The following NTRK2 variants were observed in gnomAD, a reference collection of about 807,000 sequenced individuals.
NTRK2 encodes neurotrophic receptor tyrosine kinase 2.
In NTRK2, 13 loss-of-function variants were observed where a neutral mutation model predicts 94.5. That is an observed-to-expected ratio of 0.14 (90% CI 0.09 to 0.22). The LOEUF (loss-of-function observed/expected upper bound fraction) is 0.22, where lower values mean the gene tolerates loss of function less well. Among genes scored for constraint, NTRK2 ranks in the 10% least tolerant of loss-of-function variants. The pLI is 1.00. For missense variants in NTRK2, 639 were observed against 1,071.2 expected (o/e 0.60, Z 5.63); for synonymous variants, 372 against 407.4 (o/e 0.91, Z 1.05).
chr9:84,814,155 A>G, intron 12 of NTRK2: 3 of 1,065,644 alleles, frequency 2.8e-6, no homozygotes, highest in Non-Finnish European at 3.4e-6. Context: ...TAGCAAGGAC[A>G]AGAACTAAAC....
chr9:84,840,865 T>C (rs190378011), intron 12 of NTRK2, among the ~76,000 whole-genome samples: 37 of 152,260 alleles, frequency 2.4e-4, no homozygotes, highest in Admixed American at 1.2e-3. Context: ...CTAAGTCCCA[T>C]AGCCCCTCCC....
chr9:84,744,893 G>T (rs2132374310), intron 10 of NTRK2, 80 bp from the exon 11 acceptor site: 3 of 955,046 alleles, frequency 3.1e-6, no homozygotes, highest in South Asian at 1.3e-5. Context: ...CTTCATTCTG[G>T]CTCTTACTGT....
intron 16 of NTRK2, among the ~76,000 whole-genome samples, chr9:84,949,089 A>G (rs2078691549): frequency 1.3e-5 from 2 of 152,184 alleles, no homozygotes; most frequent in Admixed American, 1.3e-4. Flanking sequence ...GAAGCAGAAA[A>G]ACAGCTGGAG....
At chr9:84,677,053 A>G (rs975217551) in intron 2 of NTRK2, among the ~76,000 whole-genome samples, 2 of 152,100 alleles carry the variant, frequency 1.3e-5, no homozygotes, top group Non-Finnish European at 2.9e-5. Flanking sequence ...AAAAGCCTTC[A>G]TGAGTTGGCA....
chr9:84,721,170 CATA>C (rs2062035678), intron 6 of NTRK2, among the ~76,000 whole-genome samples: 1 of 139,060 alleles, frequency 7.2e-6, no homozygotes, highest in Non-Finnish European at 1.6e-5. Flanking sequence ...TCATAATACT[CATA>C]ATAATCTTTT....
intron 16 of NTRK2, 53 bp downstream of exon 16, chr9:84,948,687 A>G (rs2078678932): frequency 2.6e-6 from 4 of 1,564,402 alleles, no homozygotes; most frequent in African/African-American, 1.3e-5. Context: ...TTCAGGGTTC[A>G]GGAGTGGAGG....
At chr9:84,674,182 A>C (rs944180657) in intron 2 of NTRK2, among the ~76,000 whole-genome samples, 3 of 152,066 alleles carry the variant, frequency 2.0e-5, no homozygotes, top group Non-Finnish European at 4.4e-5. Flanking sequence ...CTGTGTATCC[A>C]TGTTGCTGTG....
At chr9:84,984,499 A>C (rs1427414679) in intron 17 of NTRK2, among the ~76,000 whole-genome samples, 16 of 69,782 alleles carry the variant, frequency 2.3e-4, no homozygotes, top group African/African-American at 7.2e-4. Flanking sequence ...AACAAACAAA[A>C]AACAAAAAAA....
intron 12 of NTRK2, among the ~76,000 whole-genome samples, chr9:84,821,085 GCC>G (rs1293779281): frequency 6.6e-6 from 1 of 151,946 alleles, no homozygotes; most frequent in Non-Finnish European, 1.5e-5. Flanking sequence ...AAGTATCCCT[GCC>G]CTTGTAACCT....
chr9:84,697,778 T>C (rs767449429), intron 2 of NTRK2, among the ~76,000 whole-genome samples: 3 of 152,166 alleles, frequency 2.0e-5, no homozygotes, highest in Non-Finnish European at 4.4e-5. Flanking sequence ...AAGAAAGCTG[T>C]TAGCTGTTTG....
intron 2 of NTRK2, among the ~76,000 whole-genome samples, chr9:84,673,868 A>C (rs2058857840): frequency 6.6e-6 from 1 of 152,242 alleles, no homozygotes; most frequent in African/African-American, 2.4e-5. Context: ...CCTGCTCAAC[A>C]TCACACTGCT....
intron 12 of NTRK2, among the ~76,000 whole-genome samples, chr9:84,753,282 A>C (rs1271551729): frequency 6.6e-6 from 1 of 151,954 alleles, no homozygotes; most frequent in Non-Finnish European, 1.5e-5. Flanking sequence ...GAGAGGGACC[A>C]CCCCACAGTG....
chr9:84,864,991 G>A (rs1278829278), intron 13 of NTRK2, among the ~76,000 whole-genome samples: 9 of 151,840 alleles, frequency 5.9e-5, no homozygotes, highest in African/African-American at 1.9e-4. Context: ...TGCCTGCCTC[G>A]GCCTCCCAAA....
intron 12 of NTRK2, among the ~76,000 whole-genome samples, chr9:84,759,135 CAAAAT>C (rs1196887681): frequency 6.6e-6 from 1 of 152,142 alleles, no homozygotes; most frequent in Non-Finnish European, 1.5e-5. Flanking sequence ...AGTAAGGTAA[CAAAAT>C]GAAAATGAAT....
intron 17 of NTRK2, among the ~76,000 whole-genome samples, chr9:84,956,568 G>A (rs1294172200): frequency 6.6e-6 from 1 of 152,186 alleles, no homozygotes; most frequent in Non-Finnish European, 1.5e-5. Flanking sequence ...GGAAAAGGAA[G>A]GAAGGGAATA....
chr9:84,788,589 C>G (rs1300206124), intron 12 of NTRK2, among the ~76,000 whole-genome samples: 1 of 152,216 alleles, frequency 6.6e-6, no homozygotes, highest in East Asian at 1.9e-4. Flanking sequence ...CCAGGCAGAA[C>G]AGTGGGACAG....
chr9:85,005,291 G>A (rs1041557657), intron 17 of NTRK2, among the ~76,000 whole-genome samples: 2 of 152,202 alleles, frequency 1.3e-5, no homozygotes, highest in African/African-American at 4.8e-5. Flanking sequence ...ACTTGGGGAA[G>A]TGATGCAAAA....
At chr9:84,924,530 G>C (rs1206114886) in intron 14 of NTRK2, among the ~76,000 whole-genome samples, 1 of 152,176 alleles carries the variant, frequency 6.6e-6, no homozygotes, top group Non-Finnish European at 1.5e-5. Context: ...GAGCTGTCAG[G>C]GCAAATCAAT....
At position 84,729,454 on chromosome 9, in the gene NTRK2, T is replaced by C. The variant is rs3824518; in HGVS notation, c.1159+1495T>C. 9.0e-3 allele frequency among the ~76,000 whole-genome samples: 1,370 copies of C among 152,332 alleles called. 24 individuals carry two copies. The highest frequency in any genetic ancestry group is 0.056 in the East Asian group (290 of 5,190). ...CTAGCTTGCAGTGTGCAGGAAGTCA[T>C]GTTTGAGGGAATAATAGCTTCACAG... On this transcript the variant is annotated intron_variant, in intron 9 of 18. Coordinates refer to ENST00000277120, the MANE Select transcript of NTRK2 (RefSeq NM_006180.6).
Sources: gnomAD v4.1 joint callset for allele counts (sites outside exome capture counted in the v4.1 genomes callset) on GRCh38, gnomAD v4.1.1 for gene constraint, MANE v1.5 for transcripts, NCBI Gene and HGNC (gene_info 2026-07-23, HGNC 2026-07-21) for gene names.